ATP7A: variants seen among roughly 807,000 people sequenced by gnomAD.
ATP7A encodes copper-transporting ATPase 1.
A neutral mutation model predicts 83.5 loss-of-function variants in ATP7A; 7 were observed. The observed-to-expected ratio is 0.08, with a 90% CI of 0.05 to 0.16. The LOEUF is 0.16. Among genes scored for constraint, ATP7A ranks in the 10% least tolerant of loss-of-function variants. The pLI is 1.00. For missense variants in ATP7A, 940 were observed against 1,120.8 expected, an observed-to-expected ratio of 0.84 and a Z score of 2.30; for synonymous variants, 354 against 395.2, an observed-to-expected ratio of 0.90 and a Z score of 1.24.
In ATP7A at chrX:78,009,166, G is replaced by A. The variant is rs782566688; in HGVS notation, c.1772G>A (p.Gly591Glu). 1.9e-5 allele frequency: 23 copies of A among 1,209,496 alleles called. No homozygotes were observed. In the South Asian group the frequency reaches 3.9e-4, roughly 20 times the overall value. The change falls in exon 7 of 23, where the codon GGG becomes GAG. Residue 591 changes from glycine (G) to glutamate (E), a missense_variant. Physicochemically the swap from Gly to Glu is moderately conservative, Grantham distance 98 (BLOSUM62 -2). Transcript: ENST00000341514. ...KIESSLTKHRGILYCSVALAT... is the reference protein window; with the variant it reads ...KIESSLTKHREILYCSVALAT... ...GAGTCTAGTCTCACAAAACACAGAGGGATCCTATACTGCTCCGTGGCCCTG... is the reference window on the plus strand; with the variant it reads ...GAGTCTAGTCTCACAAAACACAGAGAGATCCTATACTGCTCCGTGGCCCTG...
At chrX:77,949,613 A>G (rs1192408480) in intron 1 of ATP7A, among the ~76,000 whole-genome samples, 3 of 112,192 alleles carry the variant, frequency 2.7e-5, no homozygotes, top group East Asian at 5.5e-4. Context: ...TATGCCAACA[A>G]TTCTACTGGT....
At chrX:78,018,138 C>T (rs1382236899) in intron 12 of ATP7A, among the ~76,000 whole-genome samples, 1 of 108,920 alleles carries the variant, frequency 9.2e-6, no homozygotes, top group Non-Finnish European at 1.9e-5. Flanking sequence ...CCATAAGTTC[C>T]TCATCTCCAT....
At chrX:77,991,161 T>C (rs1179800633) in intron 4 of ATP7A, among the ~76,000 whole-genome samples, 2 of 111,474 alleles carry the variant, frequency 1.8e-5, no homozygotes, top group Non-Finnish European at 3.8e-5. Flanking sequence ...CACTATATAA[T>C]TTTAGAACTT....
At chrX:77,950,259 T>C (rs190805712) in intron 1 of ATP7A, among the ~76,000 whole-genome samples, 1 of 112,240 alleles carries the variant, frequency 8.9e-6, no homozygotes, top group Admixed American at 9.5e-5. Context: ...AAGGAATATC[T>C]GTCTCCTCCC....
chrX:77,934,031 A>G (rs1290305892), intron 1 of ATP7A, among the ~76,000 whole-genome samples: 1 of 112,143 alleles, frequency 8.9e-6, no homozygotes, highest in Non-Finnish European at 1.9e-5. Flanking sequence ...AGATTACTAT[A>G]TACTATATTT....
At chrX:77,960,468 A>C (rs1373306850) in intron 1 of ATP7A, among the ~76,000 whole-genome samples, 3 of 112,741 alleles carry the variant, frequency 2.7e-5, no homozygotes, top group Non-Finnish European at 5.6e-5. Flanking sequence ...TATTGAGAAT[A>C]CAGGAGCCTT....
At chrX:77,929,177 A>G (rs781866830) in intron 1 of ATP7A, among the ~76,000 whole-genome samples, 2 of 111,889 alleles carry the variant, frequency 1.8e-5, no homozygotes, top group Non-Finnish European at 3.8e-5. Flanking sequence ...ATGAGTGAGG[A>G]TGGACATTCA....
At chrX:78,006,133 A>G (rs143568895) in intron 6 of ATP7A, among the ~76,000 whole-genome samples, 4,268 of 112,189 alleles carry the variant, frequency 0.038, 120 homozygotes, top group African/African-American at 0.1. Context: ...TGTTAACACT[A>G]TGTTTCTGAT....
In ATP7A at chrX:78,029,383, G is replaced by T; in HGVS notation, c.3050G>T (p.Gly1017Val). Reference protein sequence around the residue: ...ATPTAVMVGTGVGAQNGILIK... With the variant: ...ATPTAVMVGTVVGAQNGILIK... ...CCAACTGCTGTGATGGTGGGTACAGGAGTAGGTGCTCAAAATGGCATACTA... is the reference window on the plus strand; with the variant it reads ...CCAACTGCTGTGATGGTGGGTACAGTAGTAGGTGCTCAAAATGGCATACTA... Residue 1017 changes from glycine to valine, a missense_variant, in exon 15 of 23, where the codon GGA becomes GTA. Physicochemically the swap from Gly to Val is moderately radical, Grantham distance 109. Transcript: ENST00000341514. 1.7e-6 allele frequency: 2 copies of T among 1,211,626 alleles called. No homozygotes were observed. The highest frequency in any genetic ancestry group is 2.2e-6 in the Non-Finnish European group (2 of 895,379).
At chrX:77,935,166 G>T (rs1055337721) in intron 1 of ATP7A, among the ~76,000 whole-genome samples, 17 of 111,120 alleles carry the variant, frequency 1.5e-4, no homozygotes, top group African/African-American at 5.6e-4. Flanking sequence ...TTTGCAAAAT[G>T]CCCTTTCTAT....
intron 1 of ATP7A, among the ~76,000 whole-genome samples, chrX:77,952,401 T>G (rs1289554021): frequency 8.9e-6 from 1 of 112,152 alleles, no homozygotes; most frequent in Non-Finnish European, 1.9e-5. Flanking sequence ...CTACTAATAA[T>G]AGATATGTAG....
At chrX:77,955,943 T>G in intron 1 of ATP7A, among the ~76,000 whole-genome samples, 1 of 109,792 alleles carries the variant, frequency 9.1e-6, no homozygotes, top group Non-Finnish European at 1.9e-5. Context: ...GTCTTCCAGG[T>G]CCATCCATGT....
chrX:77,911,476 TCA>T (rs1470495898), intron 1 of ATP7A, among the ~76,000 whole-genome samples: 1 of 111,391 alleles, frequency 9.0e-6, no homozygotes, highest in African/African-American at 3.3e-5. Flanking sequence ...TTTATTTTAA[TCA>T]CAGACTCTTT....
Position 77,989,270 on chromosome X carries a change from A to T in ATP7A, c.648A>T (p.Gln216His). 3.3e-6 allele frequency: 4 copies of T among 1,208,784 alleles called. No individual in the cohort carries two copies. Among genetic ancestry groups the T allele is most frequent in the Non-Finnish European group, 4.5e-6 (4 of 893,081 alleles). ...ATCAAGAAGCTACTATTGTTTATCA[A>T]CCTCATCTTATCTCAGTAGAGGAAA... ...LDNQEATIVY[Q>H]PHLISVEEMK... The change falls in exon 4 of 23, where the codon CAA (glutamine) becomes CAT (histidine). Residue 216 changes from glutamine (Q) to histidine (H), a missense_variant. This residue lies in a region of ATP7A where 350 missense variants were observed against 432.8 expected (regional missense o/e 0.81). Transcript: ENST00000341514.
rs782009719 is a variant in ATP7A, at chrX:77,971,603, AT to A, written c.-21-15del. On this transcript the variant is annotated splice_polypyrimidine_tract_variant and intron_variant, in intron 1 of 22. Coordinates refer to ENST00000341514, the MANE Select transcript of ATP7A (RefSeq NM_000052.7). Reference sequence around the variant, plus strand: ...TTATTTGCATGGCTGAAATTAATGAATTTATTGTTTCTAACAGGAATGTAAT... The same window carrying A: ...TTATTTGCATGGCTGAAATTAATGAATTATTGTTTCTAACAGGAATGTAAT... 4 of 1,204,923 alleles carry A rather than the reference AT, an allele frequency of 3.3e-6. No homozygotes were observed. The highest frequency in any genetic ancestry group is 4.5e-6 in the Non-Finnish European group (4 of 889,372).
intron 21 of ATP7A, among the ~76,000 whole-genome samples, chrX:78,044,766 G>A: frequency 8.9e-6 from 1 of 111,920 alleles, no homozygotes; most frequent in Non-Finnish European, 1.9e-5. Flanking sequence ...CCTGGTAGGA[G>A]TTAGTAATGA....
At chrX:78,021,220 AT>A in intron 14 of ATP7A, 141 bp downstream of exon 14, 1 of 682,679 alleles carries the variant, frequency 1.5e-6, no homozygotes, top group Non-Finnish European at 2.1e-6. Flanking sequence ...TAATATTTGC[AT>A]TTTTATAAAT....
At chrX:77,920,287 C>T (rs932237167) in intron 1 of ATP7A, among the ~76,000 whole-genome samples, 1 of 106,311 alleles carries the variant, frequency 9.4e-6, no homozygotes, top group African/African-American at 3.5e-5. Flanking sequence ...GTGATCTCGG[C>T]TCACTGCAAG....
At chrX:77,984,263 C>T (rs1278001413) in intron 2 of ATP7A, among the ~76,000 whole-genome samples, 3 of 110,696 alleles carry the variant, frequency 2.7e-5, no homozygotes, top group Non-Finnish European at 5.7e-5. Context: ...ATCACTGTAT[C>T]TCTAGCAGCT....
Sources: allele counts gnomAD v4.1 joint callset (sites outside exome capture counted in the v4.1 genomes callset), GRCh38; gene constraint gnomAD v4.1.1; regional missense constraint gnomAD v4.1.1; transcripts MANE v1.5; gene names NCBI Gene and HGNC (gene_info 2026-07-23, HGNC 2026-07-21).